LRGUK: variants seen among roughly 807,000 people sequenced by gnomAD.
LRGUK encodes the protein leucine-rich repeat and guanylate kinase domain-containing protein.
Under a neutral mutation model 76.0 loss-of-function variants are expected in LRGUK, and 65 were observed. The observed-to-expected ratio is 0.85, with a 90% confidence interval of 0.70 to 1.05. LRGUK has a LOEUF of 1.05. Ranked by LOEUF, LRGUK falls within the 50% of genes least tolerant of loss-of-function variation. LRGUK has a pLI of 0.00. For missense variants in LRGUK, 758 were observed against 732.8 expected (o/e 1.03, Z -0.40); for synonymous variants, 268 against 265.6 (o/e 1.01, Z -0.09).
At chr7:134,208,775 G>A (rs186955698) in exon 16 of LRGUK, 179 of 399,014 alleles carry the variant, frequency 4.5e-4, no homozygotes, top group African/African-American at 3.4e-3. Context: ...CAGGTGCTTG[G>A]CGAAACTGCA....
At chr7:134,163,167 A>G (rs1425401497) in intron 6 of LRGUK, among the ~76,000 whole-genome samples, 1 of 152,186 alleles carries the variant, frequency 6.6e-6, no homozygotes, top group Non-Finnish European at 1.5e-5. Context: ...CTTTAACTTT[A>G]ATGAAAATAT....
At chr7:134,166,219 C>T (rs753490580) in intron 7 of LRGUK, among the ~76,000 whole-genome samples, 6 of 152,014 alleles carry the variant, frequency 3.9e-5, no homozygotes, top group Non-Finnish European at 7.4e-5. Flanking sequence ...TTATTGGTAG[C>T]ACTTCATCAG....
chr7:134,141,695 T>G (rs691130), intron 3 of LRGUK: 53,975 of 152,020 alleles, frequency 0.36, 10,368 homozygotes, highest in South Asian at 0.53. Context: ...GAGAGTCTGG[T>G]GGTCCCGTGA....
At chr7:134,145,264 T>C (rs1797921366) in intron 4 of LRGUK, among the ~76,000 whole-genome samples, 1 of 152,068 alleles carries the variant, frequency 6.6e-6, no homozygotes, top group African/African-American at 2.4e-5. Flanking sequence ...TCTTTTTTTT[T>C]AAGATGGAGT....
At chr7:134,262,943 C>G (rs997329028) in intron 19 of LRGUK, among the ~76,000 whole-genome samples, 18 of 137,954 alleles carry the variant, frequency 1.3e-4, no homozygotes, top group African/African-American at 4.6e-4. Context: ...TGCACTCCAG[C>G]CTAGGTGACA....
In LRGUK at chr7:134,262,872, G is replaced by A. The variant is rs556258294; in HGVS notation, c.2348-973G>A. On this transcript the variant is annotated intron_variant, in intron 19 of 19. Coordinates refer to the LRGUK transcript ENST00000285928. ...TGTAATCCCAGCTACTTGGGAGGCT[G>A]AGGCATGAGAATCATTTGAACCCGG... is the stretch of plus-strand genomic sequence containing the variant. Among the ~76,000 whole-genome samples, 8 of 150,726 alleles carry A rather than the reference G, an allele frequency of 5.3e-5. No homozygotes were observed. The East Asian group carries it at 1.6e-3, about 30-fold the overall frequency.
chr7:134,230,525 A>C (rs918142953), intron 16 of LRGUK, among the ~76,000 whole-genome samples: 1 of 152,210 alleles, frequency 6.6e-6, no homozygotes, highest in African/African-American at 2.4e-5. Flanking sequence ...TGTGTACCAA[A>C]AGATATGTGC....
intron 11 of LRGUK, among the ~76,000 whole-genome samples, chr7:134,188,016 G>T (rs1484584838): frequency 6.6e-6 from 1 of 152,152 alleles, no homozygotes. Context: ...CAGCTAAGGT[G>T]TCTGTTTATA....
the LRGUK span, among the ~76,000 whole-genome samples, chr7:134,271,424 G>A: frequency 6.6e-6 from 1 of 151,442 alleles, no homozygotes; most frequent in Non-Finnish European, 1.5e-5. Flanking sequence ...TTTTTGTTAA[G>A]TTTCACTCTT....
chr7:134,273,663 A>T, the LRGUK span, among the ~76,000 whole-genome samples: 1 of 152,114 alleles, frequency 6.6e-6, no homozygotes, highest in Non-Finnish European at 1.5e-5. Context: ...ATATTAACAT[A>T]CCCTCATTAG....
chr7:134,195,881 A>G (rs891314498), intron 12 of LRGUK, among the ~76,000 whole-genome samples: 4 of 152,072 alleles, frequency 2.6e-5, no homozygotes, highest in Admixed American at 2.6e-4. Context: ...GGGGATGTGG[A>G]TCTTCCTCAT....
intron 11 of LRGUK, 114 bp downstream of exon 11, chr7:134,183,967 A>G (rs1451948866): frequency 2.2e-6 from 3 of 1,357,356 alleles, no homozygotes; most frequent in African/African-American, 2.9e-5. Flanking sequence ...ATTTTAAGCA[A>G]TTTCAGAAAT....
At chr7:134,241,631 C>T (rs553987460) in intron 16 of LRGUK, among the ~76,000 whole-genome samples, 65 of 152,212 alleles carry the variant, frequency 4.3e-4, no homozygotes, top group African/African-American at 1.4e-3. Context: ...CTACTGTCAA[C>T]ATTAGACAGA....
chr7:134,211,438 G>T (rs1031122978), downstream of LRGUK, among the ~76,000 whole-genome samples: 5 of 152,192 alleles, frequency 3.3e-5, no homozygotes, highest in Non-Finnish European at 7.4e-5. Context: ...AAAGCAAAAA[G>T]AACTTTTGAG....
intron 7 of LRGUK, among the ~76,000 whole-genome samples, chr7:134,170,882 C>T (rs1029548846): frequency 2.0e-5 from 3 of 152,130 alleles, no homozygotes; most frequent in East Asian, 1.9e-4. Context: ...AGTATGCATT[C>T]GGTTCCATTG....
intron 1 of LRGUK, among the ~76,000 whole-genome samples, chr7:134,132,916 A>G (rs188053105): frequency 6.6e-6 from 1 of 152,328 alleles, no homozygotes; most frequent in East Asian, 1.9e-4. Flanking sequence ...AGAAGACGGC[A>G]AAGGAGTTGA....
chr7:134,272,282 A>T, the LRGUK span, among the ~76,000 whole-genome samples: 1 of 152,140 alleles, frequency 6.6e-6, no homozygotes, highest in Non-Finnish European at 1.5e-5. Context: ...TAATTCAATC[A>T]TATTCATTGT....
chr7:134,185,052 G>GT (rs1405346852), intron 11 of LRGUK, among the ~76,000 whole-genome samples: 2 of 152,242 alleles, frequency 1.3e-5, no homozygotes, highest in Non-Finnish European at 2.9e-5. Context: ...AGGAAGGAAG[G>GT]AGAAGGGGCA....
chr7:134,244,865 C>T (rs185789641), intron 16 of LRGUK, among the ~76,000 whole-genome samples: 93 of 152,196 alleles, frequency 6.1e-4, no homozygotes, highest in African/African-American at 1.5e-3. Flanking sequence ...ACGAATACTA[C>T]GCAGCCATAA....
Sources: gnomAD v4.1 joint callset for allele counts (sites outside exome capture counted in the v4.1 genomes callset) on GRCh38, gnomAD v4.1.1 for gene constraint, MANE v1.5 for transcripts, NCBI Gene and HGNC (gene_info 2026-07-23, HGNC 2026-07-21) for gene names.